The following GALNT1 variants were observed in gnomAD, a reference collection of about 807,000 sequenced individuals.
GALNT1 encodes GalNAc transferase 1.
GALNT1 carries 17 observed loss-of-function variants against 65.7 expected under a neutral mutation model. The observed-to-expected ratio is 0.26, with a 90% CI of 0.18 to 0.39. GALNT1 has a LOEUF of 0.39. Ranked by LOEUF, GALNT1 falls within the 10% of genes least tolerant of loss-of-function variation. The pLI is 1.00. For missense variants in GALNT1, 460 were observed against 672.8 expected, an observed-to-expected ratio of 0.68 and a Z score of 3.50; for synonymous variants, 210 against 219.7, an observed-to-expected ratio of 0.96 and a Z score of 0.39.
intron 3 of GALNT1, among the ~76,000 whole-genome samples, chr18:35,674,683 T>A (rs2144547348): frequency 6.6e-6 from 1 of 152,282 alleles, no homozygotes; most frequent in Middle Eastern, 3.4e-3. Context: ...TATGTAACTT[T>A]TAGAAATTAG....
intron 11 of GALNT1, among the ~76,000 whole-genome samples, chr18:35,706,207 A>G (rs1461330863): frequency 6.6e-6 from 1 of 152,202 alleles, no homozygotes; most frequent in Admixed American, 6.5e-5. Flanking sequence ...GAAGCTGGAG[A>G]TAAGAGTATT....
At chr18:35,611,649 G>A (rs1402293487) in intron 1 of GALNT1, among the ~76,000 whole-genome samples, 4 of 152,208 alleles carry the variant, frequency 2.6e-5, no homozygotes, top group Admixed American at 1.3e-4. Flanking sequence ...TAATCTAATT[G>A]TATGTGCCAA....
At chr18:35,586,544 T>C (rs2046380134) in intron 1 of GALNT1, among the ~76,000 whole-genome samples, 1 of 145,990 alleles carries the variant, frequency 6.8e-6, no homozygotes, top group Admixed American at 7.0e-5. Flanking sequence ...GTGCTTTTTT[T>C]CCCTAATAGT....
At chr18:35,600,601 A>T (rs908987956) in intron 1 of GALNT1, among the ~76,000 whole-genome samples, 5 of 152,032 alleles carry the variant, frequency 3.3e-5, no homozygotes, top group African/African-American at 1.2e-4. Flanking sequence ...CTTGTTCCAG[A>T]TCTTAGAGGA....
intron 1 of GALNT1, among the ~76,000 whole-genome samples, chr18:35,612,612 T>G (rs905841084): frequency 6.6e-6 from 1 of 152,222 alleles, no homozygotes. Context: ...ACGCCTGTAA[T>G]CCCAGCACTT....
At chr18:35,635,380 A>G (rs2047075777) in intron 1 of GALNT1, among the ~76,000 whole-genome samples, 1 of 152,220 alleles carries the variant, frequency 6.6e-6, no homozygotes, top group Non-Finnish European at 1.5e-5. Context: ...GGTACACATA[A>G]TAAATCTTAA....
At chr18:35,629,325 G>A (rs1316770461) in intron 1 of GALNT1, among the ~76,000 whole-genome samples, 3 of 152,080 alleles carry the variant, frequency 2.0e-5, no homozygotes, top group East Asian at 1.9e-4. Flanking sequence ...GAGAAAGGTC[G>A]GGTTACCCAC....
chr18:35,587,476 A>G (rs561215695), intron 1 of GALNT1, among the ~76,000 whole-genome samples: 2 of 152,174 alleles, frequency 1.3e-5, no homozygotes, highest in Admixed American at 6.5e-5. Flanking sequence ...AATGTTAACT[A>G]TAGGATTTTC....
intron 1 of GALNT1, among the ~76,000 whole-genome samples, chr18:35,598,866 CT>C (rs776382941): frequency 6.6e-6 from 1 of 152,168 alleles, no homozygotes; most frequent in Non-Finnish European, 1.5e-5. Context: ...AAGGGCTCCC[CT>C]GTCTCTGCAT....
chr18:35,639,892 G>A (rs2047139742), intron 1 of GALNT1, among the ~76,000 whole-genome samples: 1 of 152,138 alleles, frequency 6.6e-6, no homozygotes, highest in Non-Finnish European at 1.5e-5. Context: ...CACCTCCCGG[G>A]TTCAAGCAAT....
At chr18:35,625,586 G>T (rs2046906966) in intron 1 of GALNT1, among the ~76,000 whole-genome samples, 1 of 152,180 alleles carries the variant, frequency 6.6e-6, no homozygotes, top group Non-Finnish European at 1.5e-5. Context: ...GCAGAAGATG[G>T]TAAAGGAAGA....
At position 35,691,182 on chromosome 18, in the gene GALNT1, A is replaced by C. The variant is rs1048445637; in HGVS notation, c.1149A>C (p.Ile383=). 4 of 1,602,904 alleles carry C rather than the reference A, an allele frequency of 2.5e-6. No homozygotes were observed. The highest frequency in any genetic ancestry group is 3.4e-6 in the Non-Finnish European group (4 of 1,176,240). ...WMDEFKNFFY[I]ISPGVTKVDY... Reference sequence around the variant, plus strand: ...ATGAATTCAAGAATTTCTTCTATATAATTTCTCCAGGTTAGCGTTGTTTTG... The same window carrying C: ...ATGAATTCAAGAATTTCTTCTATATCATTTCTCCAGGTTAGCGTTGTTTTG... Residue 383 remains isoleucine (I), a synonymous_variant, in exon 8 of 12, where the codon ATA becomes ATC. Transcript: ENST00000269195.
chr18:35,698,460 G>C (rs1276685681), intron 9 of GALNT1, among the ~76,000 whole-genome samples: 1 of 151,984 alleles, frequency 6.6e-6, no homozygotes. Context: ...CAGAGCAAGA[G>C]ACTGTCTGAA....
At chr18:35,693,686 T>A (rs1233913788) in intron 9 of GALNT1, among the ~76,000 whole-genome samples, 1 of 152,164 alleles carries the variant, frequency 6.6e-6, no homozygotes, top group Non-Finnish European at 1.5e-5. Flanking sequence ...TCAACAGTAG[T>A]TTGGGACACA....
intron 1 of GALNT1, among the ~76,000 whole-genome samples, chr18:35,607,109 C>G (rs1168899250): frequency 2.6e-5 from 4 of 152,096 alleles, no homozygotes; most frequent in African/African-American, 9.7e-5. Context: ...AGGCTGGCCA[C>G]TCTGCCCTCT....
intron 1 of GALNT1, among the ~76,000 whole-genome samples, chr18:35,629,616 C>G (rs2144182536): frequency 6.6e-6 from 1 of 152,150 alleles, no homozygotes; most frequent in African/African-American, 2.4e-5. Context: ...AAAAACATGC[C>G]AAATTGTAAA....
chr18:35,614,508 T>C (rs2046758303), intron 1 of GALNT1, among the ~76,000 whole-genome samples: 1 of 152,094 alleles, frequency 6.6e-6, no homozygotes. Context: ...AGAGAAACAT[T>C]AATGGTATTC....
At chr18:35,599,198 G>T (rs2046546809) in intron 1 of GALNT1, among the ~76,000 whole-genome samples, 1 of 151,532 alleles carries the variant, frequency 6.6e-6, no homozygotes, top group Non-Finnish European at 1.5e-5. Context: ...TGTTTCCTTT[G>T]CTCTGCAGAA....
chr18:35,626,147 A>G (rs537313263), intron 1 of GALNT1, among the ~76,000 whole-genome samples: 14 of 152,300 alleles, frequency 9.2e-5, no homozygotes, highest in Admixed American at 4.6e-4. Flanking sequence ...TGTGCGCTAT[A>G]GCCCGTCACA....
Sources: allele counts gnomAD v4.1 joint callset (sites outside exome capture counted in the v4.1 genomes callset), GRCh38; gene constraint gnomAD v4.1.1; transcripts MANE v1.5; gene names NCBI Gene and HGNC (gene_info 2026-07-23, HGNC 2026-07-21).